Variants in AGBL4 observed in about 807,000 individuals in gnomAD.
AGBL4 encodes the protein AGBL carboxypeptidase 4.
In AGBL4, 58 loss-of-function variants were observed where a neutral mutation model predicts 66.4. The observed-to-expected ratio is 0.87, with a 90% CI of 0.71 to 1.09. The LOEUF (loss-of-function observed/expected upper bound fraction) is 1.09. AGBL4 is among the 50% of genes least tolerant of loss of function. The pLI is 0.00. For synonymous variants in AGBL4, 234 were observed against 222.9 expected (o/e 1.05, Z -0.44); for missense variants, 579 against 631.0 (o/e 0.92, Z 0.88).
chr1:49,422,921 T>G (rs765707185), intron 3 of AGBL4: 1 of 152,204 alleles, frequency 6.6e-6, no homozygotes, highest in African/African-American at 2.4e-5. Context: ...TTCCTTTTAA[T>G]CTCAGGCACA....
At position 49,321,244 on chromosome 1, in the gene AGBL4, A is replaced by G. The variant is rs144112281; in HGVS notation, c.283-75380T>C. On this transcript the variant is annotated intron_variant, in intron 3 of 13. Coordinates refer to ENST00000371839, the MANE Select transcript of AGBL4 (RefSeq NM_032785.4). ...CTGCCTGAACTTGGGGATTAATGCT[A>G]TATCCTTACACCCTAGAAAAGTTTC... Among the ~76,000 whole-genome samples the G allele has an allele frequency of 6.4e-3, 977 of 152,286 alleles. 6 individuals are homozygous for G. Among genetic ancestry groups the G allele is most frequent in the Middle Eastern group, 0.031 (9 of 294 alleles).
At chr1:49,174,523 A>G (rs1220770559) in intron 4 of AGBL4, among the ~76,000 whole-genome samples, 5 of 152,128 alleles carry the variant, frequency 3.3e-5, no homozygotes, top group African/African-American at 1.2e-4. Flanking sequence ...TCATTCTCTC[A>G]TCCTTAGGGG....
At chr1:48,718,270 C>T (rs1396568465) in intron 6 of AGBL4, among the ~76,000 whole-genome samples, 1 of 152,200 alleles carries the variant, frequency 6.6e-6, no homozygotes, top group Non-Finnish European at 1.5e-5. Context: ...CAGCCCCACC[C>T]TGCAAAGCCT....
intron 2 of AGBL4, among the ~76,000 whole-genome samples, chr1:49,818,687 G>C (rs1238553064): frequency 6.6e-6 from 1 of 152,024 alleles, no homozygotes. Flanking sequence ...AATATGATAT[G>C]TGTATATGTA....
rs541469293 is a variant in AGBL4, at chr1:49,392,458, G to A, written c.283-146594C>T. 2.0e-5 allele frequency among the ~76,000 whole-genome samples: 3 copies of A among 152,302 alleles called. No individual in the cohort carries two copies. In the East Asian group the frequency reaches 5.8e-4, roughly 29 times the overall value. ...TGAGTTGGTCAATGAATTGGTCAAT[G>A]TGTAACTTCTGTTTTTGGTAGGAGC... On this transcript the variant is annotated intron_variant, in intron 3 of 13. Coordinates refer to ENST00000371839, the MANE Select transcript of AGBL4 (RefSeq NM_032785.4).
chr1:48,714,101 G>A (rs1385155), intron 6 of AGBL4, among the ~76,000 whole-genome samples: 9,568 of 152,198 alleles, frequency 0.063, 917 homozygotes, highest in African/African-American at 0.2. Flanking sequence ...GGCATGAGTC[G>A]TCAGTGGAGA....
At chr1:49,302,804 G>A (rs1292795373) in intron 3 of AGBL4, among the ~76,000 whole-genome samples, 2 of 151,560 alleles carry the variant, frequency 1.3e-5, no homozygotes, top group Non-Finnish European at 2.9e-5. Context: ...TATTTATCCT[G>A]ATGTTCTCCC....
In AGBL4 at chr1:48,539,719, A is replaced by T. The variant is rs1054965424; in HGVS notation, c.1287T>A (p.Asn429Lys). 6.5e-7 allele frequency: 1 copy of T among 1,541,918 alleles called. No homozygotes were observed. The highest frequency in any genetic ancestry group is 8.8e-7 in the Non-Finnish European group (1 of 1,140,360). ...TEEAYMKLGRNVARTFLDYYR... is the reference protein window; with the variant it reads ...TEEAYMKLGRKVARTFLDYYR... ...AATAGTCCAAAAAGGTTCTTGCCAC[A>T]TTCCGCCCCAGCTTCATATCTGCAG... The change falls in exon 12 of 14, where the codon AAT (asparagine) becomes AAA (lysine). Residue 429 changes from asparagine to lysine, a missense_variant. Coordinates refer to ENST00000371839, the MANE Select transcript of AGBL4 (RefSeq NM_032785.4).
rs567245236 is a variant in AGBL4 at position 48,949,563 on chromosome 1, A to T, written c.595-82333T>A. On this transcript the variant is annotated intron_variant, in intron 5 of 13. Coordinates refer to ENST00000371839, the MANE Select transcript of AGBL4 (RefSeq NM_032785.4). Reference sequence around the variant, plus strand: ...CTCCAAAGAATCCACAAGAGCATCCATAAGAGAGGGAGTCAGCTACAAACA... The same window carrying T: ...CTCCAAAGAATCCACAAGAGCATCCTTAAGAGAGGGAGTCAGCTACAAACA... Among the ~76,000 whole-genome samples the T allele has an allele frequency of 2.6e-5, 4 of 152,354 alleles. No individual in the cohort carries two copies. The South Asian group carries it at 8.3e-4, about 32-fold the overall frequency.
intron 4 of AGBL4, among the ~76,000 whole-genome samples, chr1:49,186,382 G>GTAGTCATACTTCCATACTAAAAGTA: frequency 6.6e-6 from 1 of 152,240 alleles, no homozygotes; most frequent in South Asian, 2.1e-4. Flanking sequence ...TGAACTTTTA[G>GTAGTCATACTTCCATACTAAAAGTA]TAGTCATACT....
intron 6 of AGBL4, among the ~76,000 whole-genome samples, chr1:48,830,300 C>G (rs929199040): frequency 6.6e-6 from 1 of 152,210 alleles, no homozygotes; most frequent in African/African-American, 2.4e-5. Flanking sequence ...CCATTCTTCT[C>G]CACAGCCCTG....
chr1:49,083,095 A>G (rs1220359936), intron 4 of AGBL4, among the ~76,000 whole-genome samples: 1 of 152,184 alleles, frequency 6.6e-6, no homozygotes, highest in African/African-American at 2.4e-5. Flanking sequence ...GTGGCTTTGT[A>G]GTGTACAGCC....
intron 2 of AGBL4, among the ~76,000 whole-genome samples, chr1:49,756,259 G>A (rs1651878396): frequency 6.6e-6 from 1 of 151,778 alleles, no homozygotes; most frequent in Non-Finnish European, 1.5e-5. Context: ...CCAGGTTTTA[G>A]AGGACAGATG....
Position 48,851,980 on chromosome 1 carries a change from G to A in AGBL4, c.634+15211C>T, listed in dbSNP as rs1570831786. Among the ~76,000 whole-genome samples, 10 of 144,386 alleles carry A rather than the reference G, an allele frequency of 6.9e-5. No homozygotes were observed. In the South Asian group the frequency reaches 2.2e-3, roughly 31 times the overall value. 94.7% of individuals were successfully genotyped at this position (144,386 alleles called of 152,430 possible). ...AGAAGAACTTCCCATAACAACATGA[G>A]CATTTCCAAGGTTCTGGTATGTGCC... On this transcript the variant is annotated intron_variant, in intron 6 of 13. Transcript: ENST00000371839.
rs374683775 is a variant in AGBL4 at position 48,958,426 on chromosome 1, T to C, written c.594+87158A>G. Among the ~76,000 whole-genome samples the C allele has an allele frequency of 3.3e-5, 5 of 152,344 alleles. No individual in the cohort carries two copies. In the East Asian group the frequency reaches 9.6e-4, roughly 29 times the overall value. On this transcript the variant is annotated intron_variant, in intron 5 of 13. Coordinates refer to ENST00000371839, the MANE Select transcript of AGBL4 (RefSeq NM_032785.4). ...AAGGGACTACATTGTCCAGTCCCTA[T>C]AACAGTTAGATCATCTGAATGAGTT... is the stretch of plus-strand genomic sequence containing the variant.
intron 4 of AGBL4, among the ~76,000 whole-genome samples, chr1:49,224,336 G>A (rs1029327356): frequency 2.0e-5 from 3 of 152,098 alleles, no homozygotes; most frequent in African/African-American, 7.2e-5. Context: ...CCAATTGGCC[G>A]GCCGGACGCG....
At chr1:49,930,251 A>G (rs1246491234) in intron 1 of AGBL4, among the ~76,000 whole-genome samples, 1 of 152,114 alleles carries the variant, frequency 6.6e-6, no homozygotes, top group Non-Finnish European at 1.5e-5. Flanking sequence ...ACAAATTACT[A>G]AAACTCAGGA....
At chr1:49,416,842 G>A (rs138444755) in intron 3 of AGBL4, among the ~76,000 whole-genome samples, 2 of 152,002 alleles carry the variant, frequency 1.3e-5, no homozygotes, top group East Asian at 3.9e-4. Context: ...GGGCATGTAA[G>A]GCAGCTGACT....
At chr1:49,472,134 C>T (rs1301254337) in intron 3 of AGBL4, 2 of 152,086 alleles carry the variant, frequency 1.3e-5, no homozygotes, top group Non-Finnish European at 2.9e-5. Flanking sequence ...AAGTGAGGAA[C>T]TTGTAATTCT....
Sources: allele counts gnomAD v4.1 joint callset (sites outside exome capture counted in the v4.1 genomes callset), GRCh38; gene constraint gnomAD v4.1.1; transcripts MANE v1.5; gene names NCBI Gene and HGNC (gene_info 2026-07-23, HGNC 2026-07-21).